WDSUB1: variants seen among roughly 807,000 people sequenced by gnomAD.
WDSUB1 encodes WD repeat, sterile alpha motif and U-box domain containing 1.
Under a neutral mutation model 53.9 loss-of-function variants are expected in WDSUB1, and 49 were observed. That is an observed-to-expected ratio of 0.91 (90% confidence interval 0.72 to 1.15). WDSUB1 has a LOEUF of 1.15. WDSUB1 is among the 50% of genes most tolerant of loss of function. The probability of loss-of-function intolerance (pLI) is 0.00; values close to 1 mark genes in which losing one functional copy is unlikely to be tolerated. For missense variants in WDSUB1, 514 were observed against 562.0 expected, an observed-to-expected ratio of 0.91 and a Z score of 0.86; for synonymous variants, 194 against 200.6, an observed-to-expected ratio of 0.97 and a Z score of 0.28.
At chr2:159,279,678 A>T in intron 3 of WDSUB1, 83 bp downstream of exon 3, 1 of 1,270,278 alleles carries the variant, frequency 7.9e-7, no homozygotes, top group South Asian at 2.1e-5. Context: ...GATAACATAA[A>T]AAAGAATAAA....
chr2:159,263,566 G>A (rs2061272034), intron 5 of WDSUB1, among the ~76,000 whole-genome samples: 1 of 152,192 alleles, frequency 6.6e-6, no homozygotes, highest in Non-Finnish European at 1.5e-5. Flanking sequence ...GTTATGCAAT[G>A]TAAAATAGAA....
intron 5 of WDSUB1, among the ~76,000 whole-genome samples, chr2:159,265,797 A>G (rs553591100): frequency 6.6e-6 from 1 of 152,338 alleles, no homozygotes; most frequent in South Asian, 2.1e-4. Context: ...AGGGTGGAAC[A>G]AAAGACAAAT....
chr2:159,274,025 G>A (rs923225594), intron 4 of WDSUB1, among the ~76,000 whole-genome samples: 2 of 152,156 alleles, frequency 1.3e-5, no homozygotes, highest in Non-Finnish European at 1.5e-5. Context: ...GTCAAGGAAG[G>A]AATTAATAAA....
chr2:159,259,976 C>A, intron 5 of WDSUB1, 133 bp from the exon 6 acceptor site: 1 of 1,019,608 alleles, frequency 9.8e-7, no homozygotes, highest in Non-Finnish European at 1.4e-6. Flanking sequence ...AGAATGCAAT[C>A]CTTTTGTTCA....
chr2:159,266,401 G>A (rs1021462659), intron 5 of WDSUB1, among the ~76,000 whole-genome samples: 3 of 152,164 alleles, frequency 2.0e-5, no homozygotes, highest in African/African-American at 7.2e-5. Context: ...TGTTAGCCAG[G>A]ATGGTCTTGA....
At chr2:159,257,325 A>G (rs2061085510) in intron 8 of WDSUB1, among the ~76,000 whole-genome samples, 1 of 151,708 alleles carries the variant, frequency 6.6e-6, no homozygotes, top group Admixed American at 6.6e-5. Context: ...ATGACATTAA[A>G]TTTGGATGTA....
intron 1 of WDSUB1, among the ~76,000 whole-genome samples, chr2:159,284,829 C>G (rs2061752987): frequency 6.6e-6 from 1 of 152,206 alleles, no homozygotes; most frequent in South Asian, 2.1e-4. Context: ...TGGCCACTGT[C>G]CCTCTCTTCT....
intron 2 of WDSUB1, among the ~76,000 whole-genome samples, chr2:159,281,149 G>A (rs1682163826): frequency 6.6e-6 from 1 of 152,212 alleles, no homozygotes; most frequent in Admixed American, 6.5e-5. Flanking sequence ...ACAGAAGGAG[G>A]GGGAGGTACA....
chr2:159,245,285 G>A (rs1336536856), intron 10 of WDSUB1, among the ~76,000 whole-genome samples: 1 of 152,044 alleles, frequency 6.6e-6, no homozygotes, highest in Non-Finnish European at 1.5e-5. Flanking sequence ...CCAGCACTTT[G>A]GAAAGCCAAA....
Position 159,260,064 on chromosome 2 carries a change from G to A in WDSUB1, c.771-221C>T, listed in dbSNP as rs183088900. ...CACGCCTGTAATCCCAGCACTTTGG[G>A]AGGTTGATTCGAGCGGATCATGAGG... On this transcript the variant is annotated intron_variant, in intron 5 of 10. Transcript: ENST00000359774. Among the ~76,000 whole-genome samples, 19 of 152,312 alleles carry A rather than the reference G, an allele frequency of 1.2e-4. 1 individual carries two copies. The Middle Eastern group carries it at 0.01, about 82-fold the overall frequency.
intron 6 of WDSUB1, 109 bp downstream of exon 6, chr2:159,259,701 T>C: frequency 8.4e-7 from 1 of 1,185,998 alleles, no homozygotes; most frequent in Non-Finnish European, 1.2e-6. Context: ...ATGTTCTTAG[T>C]CATACTAAAC....
chr2:159,248,533 G>T, intron 9 of WDSUB1, 21 bp from the exon 10 acceptor site: 1 of 1,479,492 alleles, frequency 6.8e-7, no homozygotes, highest in South Asian at 1.5e-5. Flanking sequence ...ATTACTGTTA[G>T]GGCTGGATAA....
intron 10 of WDSUB1, among the ~76,000 whole-genome samples, chr2:159,246,021 C>T (rs2060786905): frequency 6.6e-6 from 1 of 151,920 alleles, no homozygotes; most frequent in Non-Finnish European, 1.5e-5. Context: ...TAAGATAATC[C>T]AACATGAAAT....
Position 159,246,667 on chromosome 2 carries a change from T to C in WDSUB1, c.1273+1705A>G, listed in dbSNP as rs556486650. ...ATATTTAACCAAGAGAAATGAGAAA[T>C]GTCCAGACAAAGATCTGTACATAAA... On this transcript the variant is annotated intron_variant, in intron 10 of 10. Transcript: ENST00000359774. 2.0e-3 allele frequency among the ~76,000 whole-genome samples: 305 copies of C among 152,224 alleles called. 1 individual carries two copies. The highest frequency in any genetic ancestry group is 3.2e-3 in the Non-Finnish European group (219 of 68,008).
intron 4 of WDSUB1, among the ~76,000 whole-genome samples, chr2:159,275,312 G>A (rs2061518212): frequency 6.6e-6 from 1 of 152,186 alleles, no homozygotes; most frequent in Admixed American, 6.5e-5. Context: ...GAAATCAAGT[G>A]CAAAGTGGTC....
At chr2:159,284,571 C>A (rs1477045271) in intron 1 of WDSUB1, among the ~76,000 whole-genome samples, 2 of 152,112 alleles carry the variant, frequency 1.3e-5, no homozygotes, top group South Asian at 4.1e-4. Flanking sequence ...GGTTTGTCAT[C>A]CTGTCTGATA....
At chr2:159,248,641 T>TG in intron 9 of WDSUB1, 129 bp from the exon 10 acceptor site, 1 of 1,118,954 alleles carries the variant, frequency 8.9e-7, no homozygotes, top group Non-Finnish European at 1.2e-6. Flanking sequence ...CTCACTCTTT[T>TG]GCCCAGGCTG....
chr2:159,267,204 A>C (rs188739433), intron 5 of WDSUB1, among the ~76,000 whole-genome samples: 85 of 152,054 alleles, frequency 5.6e-4, no homozygotes, highest in African/African-American at 1.8e-3. Flanking sequence ...TCTGTTCCTC[A>C]ATCTTCCCAT....
At chr2:159,244,584 A>G (rs1193499021) in intron 10 of WDSUB1, among the ~76,000 whole-genome samples, 1 of 152,204 alleles carries the variant, frequency 6.6e-6, no homozygotes, top group Admixed American at 6.5e-5. Context: ...CACAAAGTCA[A>G]TATATAACAT....
Sources: allele counts gnomAD v4.1 joint callset (sites outside exome capture counted in the v4.1 genomes callset), GRCh38; gene constraint gnomAD v4.1.1; transcripts MANE v1.5; gene names NCBI Gene and HGNC (gene_info 2026-07-23, HGNC 2026-07-21).